The following EPB41L5 variants were observed in gnomAD, a reference collection of about 807,000 sequenced individuals.
EPB41L5 encodes erythrocyte membrane protein band 4.1 like 5.
A neutral mutation model predicts 106.6 loss-of-function variants in EPB41L5; 55 were observed. The observed-to-expected ratio is 0.52, with a 90% confidence interval of 0.42 to 0.65. The LOEUF is 0.65. Ranked by LOEUF, EPB41L5 falls within the 30% of genes least tolerant of loss-of-function variation. EPB41L5 has a pLI of 0.00. For missense variants in EPB41L5, 871 were observed against 882.1 expected, an observed-to-expected ratio of 0.99 and a Z score of 0.16; for synonymous variants, 297 against 306.7, an observed-to-expected ratio of 0.97 and a Z score of 0.33.
At chr2:120,168,588 C>T (rs925057596) in intron 24 of EPB41L5, among the ~76,000 whole-genome samples, 11 of 152,226 alleles carry the variant, frequency 7.2e-5, no homozygotes, top group Admixed American at 7.2e-4. Context: ...GCCTTCACTC[C>T]TACCTCAGAC....
At position 120,050,529 on chromosome 2, in the gene EPB41L5, C is replaced by G. The variant is rs141344777; in HGVS notation, c.285+8419C>G. ...TCCATCAGGTCATTTAAGGACTTGT[C>G]TACACTAGTTATTCTAGTTAGCCAT... On this transcript the variant is annotated intron_variant, in intron 3 of 24. Coordinates refer to ENST00000263713, the MANE Select transcript of EPB41L5 (RefSeq NM_020909.4). 7.1e-3 allele frequency among the ~76,000 whole-genome samples: 1,074 copies of G among 152,288 alleles called. 5 individuals carry two copies. The highest frequency in any genetic ancestry group is 0.011 in the Non-Finnish European group (779 of 68,014).
intron 20 of EPB41L5, among the ~76,000 whole-genome samples, chr2:120,158,048 G>A (rs1428857270): frequency 2.6e-5 from 4 of 152,072 alleles, no homozygotes; most frequent in Non-Finnish European, 5.9e-5. Context: ...AGGCAGCCAG[G>A]AAGAAATTGA....
intron 2 of EPB41L5, among the ~76,000 whole-genome samples, chr2:120,029,405 A>C (rs1446801800): frequency 6.6e-6 from 1 of 152,194 alleles, no homozygotes; most frequent in Non-Finnish European, 1.5e-5. Flanking sequence ...TATATTGGTC[A>C]GGCTGGCTTC....
At chr2:120,172,029 C>CAAGG (rs3059169) in intron 24 of EPB41L5, among the ~76,000 whole-genome samples, 103,925 of 148,350 alleles carry the variant, frequency 0.7, 37,421 homozygotes, top group Non-Finnish European at 0.79. Flanking sequence ...AAAAGGAAAA[C>CAAGG]AAGCATTTTT....
chr2:120,040,160 A>G (rs995494797), intron 2 of EPB41L5, among the ~76,000 whole-genome samples: 39 of 152,014 alleles, frequency 2.6e-4, no homozygotes, highest in Admixed American at 2.6e-3. Context: ...TAAAATGACA[A>G]AGGAGAAATA....
intron 2 of EPB41L5, among the ~76,000 whole-genome samples, chr2:120,036,810 A>T (rs567913288): frequency 6.6e-6 from 1 of 152,296 alleles, no homozygotes; most frequent in East Asian, 1.9e-4. Context: ...GGAAGATCAT[A>T]TTTAGAATTC....
At chr2:120,067,756 TG>T (rs991301869) in intron 3 of EPB41L5, among the ~76,000 whole-genome samples, 9 of 152,200 alleles carry the variant, frequency 5.9e-5, no homozygotes, top group Non-Finnish European at 1.3e-4. Context: ...TTGTAAAATT[TG>T]GGGGACATTG....
At chr2:120,142,073 A>G (rs952129564) in intron 18 of EPB41L5, among the ~76,000 whole-genome samples, 2 of 145,892 alleles carry the variant, frequency 1.4e-5, no homozygotes, top group Non-Finnish European at 3.0e-5. Context: ...CTCTTTCTTC[A>G]TCCCTCCTCT....
intron 1 of EPB41L5, among the ~76,000 whole-genome samples, chr2:120,015,996 A>G: frequency 6.6e-6 from 1 of 151,834 alleles, no homozygotes; most frequent in Non-Finnish European, 1.5e-5. Context: ...TTGCACATTG[A>G]TGAACACATT....
chr2:120,014,630 T>A (rs1357010712), intron 1 of EPB41L5, among the ~76,000 whole-genome samples: 3 of 152,200 alleles, frequency 2.0e-5, no homozygotes, highest in African/African-American at 7.2e-5. Context: ...ACTATAAGTC[T>A]GAAGTTAGTC....
intron 16 of EPB41L5, among the ~76,000 whole-genome samples, chr2:120,118,389 C>T (rs1024336222): frequency 2.0e-5 from 3 of 152,066 alleles, no homozygotes; most frequent in African/African-American, 7.2e-5. Flanking sequence ...GGTACATGTG[C>T]AGAACGTGCA....
chr2:120,026,180 A>G (rs1484706114), intron 2 of EPB41L5, among the ~76,000 whole-genome samples: 3 of 152,164 alleles, frequency 2.0e-5, no homozygotes, highest in South Asian at 4.1e-4. Context: ...AAATAGGCAT[A>G]ATTTTTGGAA....
Position 120,110,635 on chromosome 2 carries a change from A to ATT in EPB41L5, c.1337+9839_1337+9840dup, listed in dbSNP as rs1234465616. On this transcript the variant is annotated intron_variant, in intron 16 of 24. Transcript: ENST00000263713. Reference sequence around the variant, plus strand: ...ACACCCTCCTGCCCTACCTTCCCCTATTTTTTTTTTTTTTTTTTTGAGACC... The same window carrying ATT: ...ACACCCTCCTGCCCTACCTTCCCCTATTTTTTTTTTTTTTTTTTTTTGAGACC... Among the ~76,000 whole-genome samples the ATT allele has an allele frequency of 6.5e-3, 770 of 118,728 alleles. 3 individuals are homozygous for ATT. The highest frequency in any genetic ancestry group is 0.022 in the African/African-American group (707 of 32,290). The allele number at this position is 118,728 out of a possible 152,430, so 77.9% of individuals were successfully genotyped here.
intron 3 of EPB41L5, among the ~76,000 whole-genome samples, chr2:120,067,262 C>A (rs1441435344): frequency 6.6e-6 from 1 of 152,168 alleles, no homozygotes; most frequent in East Asian, 1.9e-4. Context: ...CAGTGAATTG[C>A]ACTTTTGGAT....
chr2:120,100,083 A>G (rs1684038427), intron 14 of EPB41L5, among the ~76,000 whole-genome samples, 161 bp from the exon 15 acceptor site: 1 of 152,234 alleles, frequency 6.6e-6, no homozygotes, highest in African/African-American at 2.4e-5. Flanking sequence ...CAGGTATCTG[A>G]CATTCTTAGT....
chr2:120,169,070 G>GT (rs1687547974), intron 24 of EPB41L5, among the ~76,000 whole-genome samples: 1 of 152,126 alleles, frequency 6.6e-6, no homozygotes, highest in Non-Finnish European at 1.5e-5. Flanking sequence ...ACAGATGAAA[G>GT]CAGAGCTTAT....
chr2:120,076,455 T>A (rs1410747726), intron 7 of EPB41L5, among the ~76,000 whole-genome samples: 1 of 142,990 alleles, frequency 7.0e-6, no homozygotes, highest in African/African-American at 2.6e-5. Flanking sequence ...CCATTAGGCC[T>A]GGCTAATTTT....
intron 2 of EPB41L5, among the ~76,000 whole-genome samples, chr2:120,034,058 T>A (rs1178513087): frequency 6.6e-6 from 1 of 152,228 alleles, no homozygotes; most frequent in African/African-American, 2.4e-5. Context: ...ATCCCACCAC[T>A]GCACTCCAGC....
intron 3 of EPB41L5, among the ~76,000 whole-genome samples, chr2:120,046,629 A>C (rs1188937024): frequency 6.6e-6 from 1 of 151,426 alleles, no homozygotes; most frequent in Non-Finnish European, 1.5e-5. Flanking sequence ...CTCTGATGGT[A>C]GTTTCTTTTG....
Sources: gnomAD v4.1 joint callset for allele counts (sites outside exome capture counted in the v4.1 genomes callset) on GRCh38, gnomAD v4.1.1 for gene constraint, MANE v1.5 for transcripts, NCBI Gene and HGNC (gene_info 2026-07-23, HGNC 2026-07-21) for gene names.